FAM78A: variants seen among roughly 807,000 people sequenced by gnomAD.
The protein encoded by FAM78A is protein FAM78A.
Under a neutral mutation model 22.6 loss-of-function variants are expected in FAM78A, and 12 were observed. That is an observed-to-expected ratio of 0.53 (90% confidence interval 0.34 to 0.86). FAM78A has a LOEUF of 0.86. FAM78A is among the 40% of genes least tolerant of loss of function. FAM78A has a pLI of 0.02. For synonymous variants in FAM78A, 151 were observed against 155.8 expected, an observed-to-expected ratio of 0.97 and a Z score of 0.23; for missense variants, 322 against 396.1, an observed-to-expected ratio of 0.81 and a Z score of 1.59.
chr9:131,275,363 C>T lies in FAM78A; in HGVS notation c.323+494G>A, dbSNP rs1032788056. Among the ~76,000 whole-genome samples the T allele has an allele frequency of 5.3e-5, 8 of 152,260 alleles. No homozygotes were observed. Among genetic ancestry groups the T allele is most frequent in the Non-Finnish European group, 1.2e-4 (8 of 68,046 alleles). ...GCACTCCCCCAGCTCCTGGCATACA[C>T]TGGTAAAAGCCAGAAAGATAATTGA... On this transcript the variant is annotated intron_variant, in intron 1 of 1. Coordinates refer to ENST00000372271, the MANE Select transcript of FAM78A (RefSeq NM_033387.4). The surrounding 1 kb of genome is among the most constrained non-coding windows in gnomAD (Gnocchi z 4.6).
At chr9:131,263,127 T>A (rs542128629) in intron 1 of FAM78A, among the ~76,000 whole-genome samples, 48 of 151,096 alleles carry the variant, frequency 3.2e-4, no homozygotes, top group African/African-American at 1.1e-3. Flanking sequence ...TAATCACAGC[T>A]ACTCAGGAGG....
rs529564756 is a variant in FAM78A, at chr9:131,275,416, C to G, written c.323+441G>C. ...CCCAATCGCAAAGCCCTGAACACAC[C>G]GGTCTGGGAGTTGCAGAGTGCCTGA... On this transcript the variant is annotated intron_variant, in intron 1 of 1. Transcript: ENST00000372271. The surrounding 1 kb of genome is among the most constrained non-coding windows in gnomAD (Gnocchi z 4.6). Among the ~76,000 whole-genome samples the G allele has an allele frequency of 6.6e-6, 1 of 152,240 alleles. No individual in the cohort carries two copies. The highest frequency in any genetic ancestry group is 2.4e-5 in the African/African-American group (1 of 41,460).
At chr9:131,280,682 G>T (rs150625245), upstream of FAM78A, among the ~76,000 whole-genome samples, 7 of 152,314 alleles carry the variant, frequency 4.6e-5, no homozygotes, top group Non-Finnish European at 8.8e-5. Context: ...GAGAAGTCAT[G>T]AAAACCCAAA....
rs535332919 is a variant in FAM78A, at chr9:131,275,794, C to T, written c.323+63G>A. ...CACCTTCCCCCTATCCGCGGCCCCC[C>T]ACCAGGCCTCCAAGCTCGGCCATCC... On this transcript the variant is annotated intron_variant, in intron 1 of 1. Transcript: ENST00000372271. The surrounding 1 kb of genome is among the most constrained non-coding windows in gnomAD (Gnocchi z 4.6). 3.3e-6 allele frequency: 5 copies of T among 1,502,250 alleles called. No individual in the cohort carries two copies. Among genetic ancestry groups the T allele is most frequent in the South Asian group, 1.3e-5 (1 of 75,118 alleles). 93.1% of individuals were successfully genotyped at this position (1,502,250 alleles called of 1,614,324 possible).
upstream of FAM78A, among the ~76,000 whole-genome samples, chr9:131,279,165 C>T (rs940746530): frequency 1.3e-5 from 2 of 152,246 alleles, no homozygotes; most frequent in African/African-American, 2.4e-5. Flanking sequence ...CCCACTGACT[C>T]GGGCCAAGGC....
upstream of FAM78A, among the ~76,000 whole-genome samples, chr9:131,276,910 C>A (rs1381563339): frequency 6.7e-6 from 1 of 149,140 alleles, no homozygotes; most frequent in Non-Finnish European, 1.5e-5. The surrounding 1 kb of genome is among the most constrained non-coding windows in gnomAD (Gnocchi z 4.3). Flanking sequence ...GCGCTCCGGC[C>A]GCCGCCGCCT....
At chr9:131,264,723 G>A in intron 1 of FAM78A, 3 of 626,130 alleles carry the variant, frequency 4.8e-6, no homozygotes, top group South Asian at 3.6e-5. Flanking sequence ...AGCCTTTTCT[G>A]ACCTTTTTTT....
intron 1 of FAM78A, among the ~76,000 whole-genome samples, chr9:131,262,477 A>C (rs1036449380): frequency 4.0e-4 from 38 of 95,810 alleles, no homozygotes; most frequent in African/African-American, 2.2e-3. Flanking sequence ...CTCTGTCTGC[A>C]AAAAAAAAAA....
intron 1 of FAM78A, among the ~76,000 whole-genome samples, chr9:131,270,035 AAT>A (rs1491248336): frequency 5.8e-5 from 8 of 138,904 alleles, no homozygotes; most frequent in East Asian, 2.1e-4. Flanking sequence ...TCCCTACTAA[AAT>A]AAAAAAAAAA....
upstream of FAM78A, among the ~76,000 whole-genome samples, chr9:131,277,749 G>A (rs1835503510): frequency 6.6e-6 from 1 of 151,194 alleles, no homozygotes; most frequent in Admixed American, 6.6e-5. This position sits in a 1 kb window ranked among gnomAD's most constrained non-coding sequence, Gnocchi z 8.4. Context: ...CGGGGGCGGA[G>A]GGCTGAGGCT....
rs779981998 is a variant in FAM78A at position 131,265,180 on chromosome 9, TTC to T, written c.324-3832_324-3831del. On this transcript the variant is annotated intron_variant, in intron 1 of 1. Coordinates refer to ENST00000372271, the MANE Select transcript of FAM78A (RefSeq NM_033387.4). This position sits in a 1 kb window ranked among gnomAD's most constrained non-coding sequence, Gnocchi z 4.3. ...TGGGGATTTAAACATTCTAATTCTG[TTC>T]TCTTAGTAGTTGTCCTTGAAATTTT... Among the ~76,000 whole-genome samples the T allele has an allele frequency of 7.9e-5, 12 of 152,350 alleles. No individual in the cohort carries two copies. The highest frequency in any genetic ancestry group is 3.9e-4 in the Admixed American group (6 of 15,304).
Position 131,276,052 on chromosome 9 carries a change from A to G in FAM78A, c.128T>C (p.Val43Ala). The G allele has an allele frequency of 1.9e-6, 3 of 1,613,792 alleles. No individual in the cohort carries two copies. Among genetic ancestry groups the G allele is most frequent in the Non-Finnish European group, 1.7e-6 (2 of 1,180,028 alleles). Residue 43 changes from valine to alanine, a missense_variant, in exon 1 of 2, where the codon GTG becomes GCG. Physicochemically the swap from Val to Ala is moderately conservative, Grantham distance 64. Coordinates refer to ENST00000372271, the MANE Select transcript of FAM78A (RefSeq NM_033387.4). This position sits in a 1 kb window ranked among gnomAD's most constrained non-coding sequence, Gnocchi z 4.3. ...VFREGITVID[V>A]KASIDPVPTS... Reference sequence around the variant, plus strand: ...GGGGACGGGGTCGATGGAGGCTTTCACATCAATCACCGTGATCCCTTCCCG... The same window carrying G: ...GGGGACGGGGTCGATGGAGGCTTTCGCATCAATCACCGTGATCCCTTCCCG...
Position 131,260,807 on chromosome 9 carries a change from G to A in FAM78A, c.*15C>T, listed in dbSNP as rs80327720. ...TTATTATTTGTGAGTCTAACCTAGCGGGTGGTCCTGGCTGTCACCGGTGCT... is the reference window on the plus strand; with the variant it reads ...TTATTATTTGTGAGTCTAACCTAGCAGGTGGTCCTGGCTGTCACCGGTGCT... On this transcript the variant is annotated 3_prime_UTR_variant, in exon 2 of 2. Transcript: ENST00000372271. The surrounding 1 kb of genome is among the most constrained non-coding windows in gnomAD (Gnocchi z 5.4). The A allele has an allele frequency of 2.1e-3, 3,145 of 1,513,734 alleles. 57 individuals are homozygous for A. The African/African-American group carries it at 0.039, about 19-fold the overall frequency. 93.8% of individuals were successfully genotyped at this position (1,513,734 alleles called of 1,614,324 possible).
chr9:131,276,308 T>C lies in FAM78A; in HGVS notation c.-129A>G. 1.4e-6 allele frequency: 1 copy of C among 695,774 alleles called. No individual in the cohort carries two copies. The highest frequency in any genetic ancestry group is 2.3e-6 in the Non-Finnish European group (1 of 426,706). The allele number at this position is 695,774 out of a possible 1,614,324, so 43.1% of individuals were successfully genotyped here. On this transcript the variant is annotated 5_prime_UTR_variant, in exon 1 of 2. Transcript: ENST00000372271. The surrounding 1 kb of genome is among the most constrained non-coding windows in gnomAD (Gnocchi z 4.3). ...GGTTGCATATATCACTACCGCGGCCTGTTTATAAATAAGGATTCTGCTGCA... is the reference window on the plus strand; with the variant it reads ...GGTTGCATATATCACTACCGCGGCCCGTTTATAAATAAGGATTCTGCTGCA...
At chr9:131,269,173 T>C (rs1430218955) in intron 1 of FAM78A, among the ~76,000 whole-genome samples, 3 of 151,436 alleles carry the variant, frequency 2.0e-5, no homozygotes, top group African/African-American at 7.3e-5. Flanking sequence ...CCCCTCCCCA[T>C]GTGCCCCATG....
In FAM78A at chr9:131,264,454, A is replaced by G. The variant is rs568580692; in HGVS notation, c.324-3104T>C. The G allele has an allele frequency of 4.4e-5, 28 of 636,724 alleles. No individual in the cohort carries two copies. The African/African-American group carries it at 4.9e-4, about 11-fold the overall frequency. 39.4% of individuals were successfully genotyped at this position (636,724 alleles called of 1,614,324 possible). A position where few individuals can be genotyped will look rare whatever the true frequency, so the allele number is the denominator to read the frequency against. ...GTGCAGCAGCCCAGGGTCCACTGTCAGCCCCAGCTACTCGCACTGTGGTCC... is the reference window on the plus strand; with the variant it reads ...GTGCAGCAGCCCAGGGTCCACTGTCGGCCCCAGCTACTCGCACTGTGGTCC... On this transcript the variant is annotated intron_variant, in intron 1 of 1. Coordinates refer to ENST00000372271, the MANE Select transcript of FAM78A (RefSeq NM_033387.4).
chr9:131,268,206 C>G (rs989778038), intron 1 of FAM78A, among the ~76,000 whole-genome samples: 1 of 152,176 alleles, frequency 6.6e-6, no homozygotes, highest in African/African-American at 2.4e-5. Context: ...ATTTTATAAT[C>G]TGATAAAATT....
chr9:131,276,193 G>A lies in FAM78A; in HGVS notation c.-14C>T. 6.2e-7 allele frequency: 1 copy of A among 1,605,968 alleles called. No individual in the cohort carries two copies. Among genetic ancestry groups the A allele is most frequent in the Non-Finnish European group, 8.5e-7 (1 of 1,175,660 alleles). On this transcript the variant is annotated 5_prime_UTR_variant, in exon 1 of 2. Coordinates refer to ENST00000372271, the MANE Select transcript of FAM78A (RefSeq NM_033387.4). The surrounding 1 kb of genome is among the most constrained non-coding windows in gnomAD (Gnocchi z 4.3). ...AAAACCAGGCATTGAAAGGACAGAG[G>A]CTGCAGGACCCAGTACAGACGGCGC...
chr9:131,280,738 C>A (rs1162087531), upstream of FAM78A, among the ~76,000 whole-genome samples: 5 of 152,200 alleles, frequency 3.3e-5, no homozygotes, highest in African/African-American at 1.2e-4. Context: ...CCCTGCCAAG[C>A]TGCAGGGACC....
Sources: allele counts gnomAD v4.1 joint callset (sites outside exome capture counted in the v4.1 genomes callset), GRCh38; gene constraint gnomAD v4.1.1; non-coding constraint Gnocchi (gnomAD v3.1); transcripts MANE v1.5; gene names NCBI Gene and HGNC (gene_info 2026-07-23, HGNC 2026-07-21).